The following KDM2A variants were observed in gnomAD, a reference collection of about 807,000 sequenced individuals.
KDM2A encodes lysine demethylase 2A, also known as lysine-specific demethylase 2A.
Under a neutral mutation model 137.3 loss-of-function variants are expected in KDM2A, and 3 were observed. The observed-to-expected ratio is 0.02, with a 90% CI of 0.01 to 0.06. The LOEUF is 0.06. Among genes scored for constraint, KDM2A ranks in the 10% least tolerant of loss-of-function variants. KDM2A has a pLI of 1.00. For missense variants in KDM2A, 738 were observed against 1,510.6 expected (o/e 0.49, Z 8.48); for synonymous variants, 512 against 541.5 (o/e 0.95, Z 0.76).
intron 2 of KDM2A, among the ~76,000 whole-genome samples, chr11:67,156,820 C>T (rs1014404176): frequency 6.6e-6 from 1 of 151,450 alleles, no homozygotes; most frequent in Admixed American, 6.6e-5. Flanking sequence ...ACCTGAGAGT[C>T]GGAGGTTGCA....
chr11:67,144,400 G>T lies in KDM2A; in HGVS notation c.42+23042G>T, dbSNP rs945696742. Among the ~76,000 whole-genome samples the T allele has an allele frequency of 2.6e-5, 4 of 151,262 alleles. No individual in the cohort carries two copies. In the South Asian group the frequency reaches 8.4e-4, roughly 32 times the overall value. On this transcript the variant is annotated intron_variant, in intron 2 of 20. Transcript: ENST00000529006. ...CTCAAGTAGCTGGGATTACAGGCAT[G>T]CACCACCATGCCTGGCTAATTTTGT... is the stretch of plus-strand genomic sequence containing the variant.
chr11:67,210,025 A>G (rs1041871084), intron 6 of KDM2A, among the ~76,000 whole-genome samples: 1 of 151,946 alleles, frequency 6.6e-6, no homozygotes, highest in Non-Finnish European at 1.5e-5. Context: ...ACTGTAGCCT[A>G]GCCAACATTG....
intron 12 of KDM2A, among the ~76,000 whole-genome samples, chr11:67,234,711 G>A (rs1452811318): frequency 6.6e-6 from 1 of 152,188 alleles, no homozygotes; most frequent in African/African-American, 2.4e-5. Context: ...AAATTATCCA[G>A]GTGTGGTGGT....
In KDM2A at chr11:67,254,093, T is replaced by C; in HGVS notation, c.3092-110T>C. ...CATGGCTGGGTGTGGGCAGTTCTAC[T>C]TAACCCCTTCAAGGGGGCCTGGCCA... On this transcript the variant is annotated intron_variant, in intron 19 of 20. Transcript: ENST00000529006. This position sits in a 1 kb window ranked among gnomAD's most constrained non-coding sequence, Gnocchi z 4.7. The C allele has an allele frequency of 1.1e-6, 1 of 913,102 alleles. No homozygotes were observed. Among genetic ancestry groups the C allele is most frequent in the Non-Finnish European group, 1.7e-6 (1 of 603,828 alleles). 56.6% of individuals were successfully genotyped at this position (913,102 alleles called of 1,614,324 possible).
intron 6 of KDM2A, among the ~76,000 whole-genome samples, chr11:67,213,911 C>G (rs369479491): frequency 1.3e-5 from 2 of 152,144 alleles, no homozygotes; most frequent in South Asian, 2.1e-4. Context: ...GTTGCCCAAG[C>G]TGGAGTGCAG....
chr11:67,193,237 G>A (rs867054895), intron 5 of KDM2A, among the ~76,000 whole-genome samples: 1 of 151,948 alleles, frequency 6.6e-6, no homozygotes, highest in East Asian at 2.0e-4. Context: ...TGATCCACCC[G>A]CCTCAGCCTC....
intron 2 of KDM2A, among the ~76,000 whole-genome samples, chr11:67,159,792 A>G (rs1590734899): frequency 6.6e-6 from 1 of 152,132 alleles, no homozygotes; most frequent in East Asian, 1.9e-4. Context: ...TGAAGACAAT[A>G]GTGGGAATGG....
intron 10 of KDM2A, among the ~76,000 whole-genome samples, chr11:67,227,505 T>C (rs1462439485): frequency 3.3e-5 from 5 of 152,126 alleles, no homozygotes; most frequent in Admixed American, 3.3e-4. Context: ...TTTCATTGTT[T>C]TGATGCTTTC....
chr11:67,122,119 T>G (rs1437489821), intron 2 of KDM2A, among the ~76,000 whole-genome samples: 1 of 152,178 alleles, frequency 6.6e-6, no homozygotes, highest in African/African-American at 2.4e-5. Context: ...AATCTGAATT[T>G]GTGTTTGAAG....
At chr11:67,147,276 C>T (rs1377408605) in intron 2 of KDM2A, among the ~76,000 whole-genome samples, 1 of 152,064 alleles carries the variant, frequency 6.6e-6, no homozygotes, top group African/African-American at 2.4e-5. Flanking sequence ...GGTGCGGTGG[C>T]TCAAGCCTGT....
chr11:67,141,679 AAAAATATATATAT>A (rs1305175184), intron 2 of KDM2A, among the ~76,000 whole-genome samples: 8 of 74,660 alleles, frequency 1.1e-4, no homozygotes, highest in African/African-American at 5.6e-4. Flanking sequence ...AAAAAAAAAA[AAAAATATATATAT>A]ATATATATAT....
chr11:67,170,232 AGTTT>A (rs1856849574), intron 2 of KDM2A, among the ~76,000 whole-genome samples: 2 of 152,154 alleles, frequency 1.3e-5, no homozygotes, highest in African/African-American at 4.8e-5. Context: ...AACAACCAGT[AGTTT>A]GTCAACGAAA....
intron 2 of KDM2A, among the ~76,000 whole-genome samples, chr11:67,175,072 G>A (rs995292054): frequency 9.2e-5 from 14 of 152,138 alleles, no homozygotes; most frequent in African/African-American, 2.7e-4. Context: ...ATCAGTAGCT[G>A]ATTTCCTTAC....
intron 2 of KDM2A, among the ~76,000 whole-genome samples, chr11:67,148,322 G>A (rs982074114): frequency 7.2e-5 from 11 of 151,934 alleles, no homozygotes; most frequent in Admixed American, 4.6e-4. Flanking sequence ...TTGGGAGGTC[G>A]AGGCCAAAGG....
At chr11:67,125,009 C>T (rs893472153) in intron 2 of KDM2A, among the ~76,000 whole-genome samples, 12 of 151,568 alleles carry the variant, frequency 7.9e-5, no homozygotes, top group Non-Finnish European at 1.3e-4. Flanking sequence ...AGGCGCCCGC[C>T]GCCACACCCG....
chr11:67,177,383 C>A (rs1856993603), intron 2 of KDM2A, among the ~76,000 whole-genome samples: 1 of 152,176 alleles, frequency 6.6e-6, no homozygotes, highest in Admixed American at 6.6e-5. Flanking sequence ...GCTTAAAACA[C>A]AGATACATTA....
intron 5 of KDM2A, among the ~76,000 whole-genome samples, chr11:67,200,310 G>T (rs1239256421): frequency 2.0e-5 from 3 of 152,014 alleles, no homozygotes; most frequent in African/African-American, 7.2e-5. Context: ...CCACCTCCTG[G>T]GTTCACGCCA....
chr11:67,121,458 T>C lies in KDM2A; in HGVS notation c.42+100T>C, dbSNP rs1220084492. On this transcript the variant is annotated intron_variant, in intron 2 of 20. Transcript: ENST00000529006. ...ACTGTGAATCTGTGATTAAAACTTT[T>C]CGGGTGACTTTTCTGTGCACCAGAG... The C allele has an allele frequency of 3.3e-6, 4 of 1,209,910 alleles. No homozygotes were observed. The Admixed American group carries it at 7.5e-5, about 23-fold the overall frequency. 74.9% of individuals were successfully genotyped at this position (1,209,910 alleles called of 1,614,324 possible). A position where few individuals can be genotyped will look rare whatever the true frequency, so the allele number is the denominator to read the frequency against.
At chr11:67,252,947 C>T in intron 18 of KDM2A, 90 bp downstream of exon 18, 1 of 1,384,628 alleles carries the variant, frequency 7.2e-7, no homozygotes, top group Non-Finnish European at 9.8e-7. Flanking sequence ...CTTAGCATCA[C>T]TGGAGGGCAG....
Sources: allele counts gnomAD v4.1 joint callset (sites outside exome capture counted in the v4.1 genomes callset), GRCh38; gene constraint gnomAD v4.1.1; non-coding constraint Gnocchi (gnomAD v3.1); transcripts MANE v1.5; gene names NCBI Gene and HGNC (gene_info 2026-07-23, HGNC 2026-07-21).